Variants in SRD5A2 observed in about 807,000 individuals in gnomAD.
SRD5A2 encodes steroid 5 alpha-reductase 2.
SRD5A2 carries 30 observed loss-of-function variants against 27.4 expected under a neutral mutation model. That is an observed-to-expected ratio of 1.10 (90% CI 0.82 to 1.49). The LOEUF is 1.49. Ranked by LOEUF, SRD5A2 falls within the 40% of genes most tolerant of loss-of-function variation. The pLI is 0.00. For missense variants in SRD5A2, 348 were observed against 323.4 expected, an observed-to-expected ratio of 1.08 and a Z score of -0.58; for synonymous variants, 141 against 133.6, an observed-to-expected ratio of 1.06 and a Z score of -0.38.
chr2:31,661,087 A>C, the SRD5A2 span, among the ~76,000 whole-genome samples: 1 of 152,128 alleles, frequency 6.6e-6, no homozygotes, highest in East Asian at 1.9e-4. Context: ...TGGTGATTCA[A>C]GGGCCCACTG....
chr2:31,584,542 G>C (rs982561716), upstream of SRD5A2, among the ~76,000 whole-genome samples: 2 of 152,102 alleles, frequency 1.3e-5, no homozygotes, highest in African/African-American at 4.8e-5. Context: ...GCAAGTTCAA[G>C]GTTACGTAAG....
At chr2:31,573,536 G>T (rs1666894724) in intron 1 of SRD5A2, among the ~76,000 whole-genome samples, 1 of 152,152 alleles carries the variant, frequency 6.6e-6, no homozygotes, top group Non-Finnish European at 1.5e-5. Context: ...CCAGGCTGTG[G>T]CAAAATTCAA....
intron 1 of SRD5A2, among the ~76,000 whole-genome samples, chr2:31,576,725 T>C (rs1666965918): frequency 2.0e-5 from 1 of 50,870 alleles, no homozygotes; most frequent in East Asian, 3.6e-4. Flanking sequence ...CTATTCACAA[T>C]AGCAAAGACT....
the SRD5A2 span, among the ~76,000 whole-genome samples, chr2:31,662,811 C>T: frequency 6.6e-6 from 1 of 152,182 alleles, no homozygotes; most frequent in South Asian, 2.1e-4. Context: ...CTCTATTCAG[C>T]TCTTTTAGCC....
At chr2:31,652,638 G>A in the SRD5A2 span, among the ~76,000 whole-genome samples, 65 of 152,206 alleles carry the variant, frequency 4.3e-4, no homozygotes, top group Non-Finnish European at 6.8e-4. Flanking sequence ...TACCTAATTG[G>A]ATACGGTTGA....
intron 1 of SRD5A2, among the ~76,000 whole-genome samples, chr2:31,559,994 A>G (rs1004848173): frequency 1.3e-5 from 2 of 151,682 alleles, no homozygotes; most frequent in Non-Finnish European, 2.9e-5. Flanking sequence ...AGGTACCTAT[A>G]GAACTTTATC....
chr2:31,592,427 A>C, the SRD5A2 span, among the ~76,000 whole-genome samples: 1 of 152,174 alleles, frequency 6.6e-6, no homozygotes, highest in African/African-American at 2.4e-5. Flanking sequence ...AACTAATACC[A>C]AGGACTCCCA....
chr2:31,539,980 A>G (rs187888762), intron 1 of SRD5A2, among the ~76,000 whole-genome samples: 131 of 152,332 alleles, frequency 8.6e-4, no homozygotes, highest in African/African-American at 3.1e-3. Context: ...AGATGCCAAT[A>G]CACTGTATTA....
chr2:31,572,179 G>C (rs1190330571), intron 1 of SRD5A2, among the ~76,000 whole-genome samples: 1 of 152,156 alleles, frequency 6.6e-6, no homozygotes, highest in African/African-American at 2.4e-5. Flanking sequence ...GTCCTTTGCA[G>C]GCCATTATCC....
chr2:31,624,757 T>C, the SRD5A2 span, among the ~76,000 whole-genome samples: 1 of 152,218 alleles, frequency 6.6e-6, no homozygotes, highest in East Asian at 1.9e-4. Flanking sequence ...CAGTCTATCA[T>C]TGATGGACTT....
chr2:31,628,363 T>C, the SRD5A2 span, among the ~76,000 whole-genome samples: 3 of 152,140 alleles, frequency 2.0e-5, no homozygotes, highest in South Asian at 6.2e-4. Flanking sequence ...CTATGGGTGT[T>C]ATTTCATGTA....
intron 4 of SRD5A2, among the ~76,000 whole-genome samples, chr2:31,528,551 T>A (rs1665830289): frequency 6.6e-6 from 1 of 152,114 alleles, no homozygotes; most frequent in Non-Finnish European, 1.5e-5. Context: ...GCAGATCACT[T>A]GAGGTCAGGA....
chr2:31,548,773 A>G (rs1314750341), intron 1 of SRD5A2, among the ~76,000 whole-genome samples: 2 of 152,210 alleles, frequency 1.3e-5, no homozygotes, highest in African/African-American at 2.4e-5. Context: ...TCTTGAAGCA[A>G]TATTTGTGCA....
At chr2:31,640,760 C>A in the SRD5A2 span, among the ~76,000 whole-genome samples, 1 of 152,018 alleles carries the variant, frequency 6.6e-6, no homozygotes, top group Non-Finnish European at 1.5e-5. Flanking sequence ...AAGCAGAGTC[C>A]CCAGGGATGG....
the SRD5A2 span, among the ~76,000 whole-genome samples, chr2:31,660,130 T>C: frequency 6.6e-6 from 1 of 152,112 alleles, no homozygotes; most frequent in Non-Finnish European, 1.5e-5. Context: ...ATTATAATTT[T>C]TTAAAGTGGT....
chr2:31,551,284 G>C (rs532263572), intron 1 of SRD5A2, among the ~76,000 whole-genome samples: 1 of 151,972 alleles, frequency 6.6e-6, no homozygotes, highest in Admixed American at 6.6e-5. Flanking sequence ...CCCCCAAAAT[G>C]ACAATGCAAT....
intron 1 of SRD5A2, among the ~76,000 whole-genome samples, chr2:31,552,968 A>C (rs1666410778): frequency 6.6e-6 from 1 of 152,198 alleles, no homozygotes; most frequent in Non-Finnish European, 1.5e-5. Flanking sequence ...AAGAATTCAA[A>C]ATACTTATCA....
At chr2:31,564,852 C>T (rs1288600761) in intron 1 of SRD5A2, among the ~76,000 whole-genome samples, 2 of 151,814 alleles carry the variant, frequency 1.3e-5, no homozygotes, top group Non-Finnish European at 2.9e-5. Context: ...ATTCTGATTT[C>T]AGGTAAAAGG....
chr2:31,532,365 A>T (rs1272845194), intron 2 of SRD5A2, among the ~76,000 whole-genome samples: 1 of 124,808 alleles, frequency 8.0e-6, no homozygotes, highest in Non-Finnish European at 1.7e-5. Flanking sequence ...GCCAGTTCAC[A>T]CACACACACA....
Sources: allele counts gnomAD v4.1 joint callset (sites outside exome capture counted in the v4.1 genomes callset), GRCh38; gene constraint gnomAD v4.1.1; transcripts MANE v1.5; gene names NCBI Gene and HGNC (gene_info 2026-07-23, HGNC 2026-07-21).